Variants in PCDHA11 observed in about 807,000 individuals in gnomAD.
PCDHA11 encodes protocadherin alpha 11, also known as protocadherin alpha-11.
Under a neutral mutation model 70.3 loss-of-function variants are expected in PCDHA11, and 61 were observed. The observed-to-expected ratio is 0.87, with a 90% CI of 0.71 to 1.07. The LOEUF (loss-of-function observed/expected upper bound fraction) is 1.07. PCDHA11 is among the 50% of genes least tolerant of loss of function. The pLI, the probability that PCDHA11 is intolerant of heterozygous loss-of-function variation, is 0.00. For missense variants in PCDHA11, 1,324 were observed against 1,237.5 expected, an observed-to-expected ratio of 1.07 and a Z score of -1.05; for synonymous variants, 633 against 555.1, an observed-to-expected ratio of 1.14 and a Z score of -1.97.
At chr5:140,910,719 C>T (rs527945930) in intron 1 of PCDHA11, among the ~76,000 whole-genome samples, 44 of 152,216 alleles carry the variant, frequency 2.9e-4, no homozygotes, top group African/African-American at 1.0e-3. Context: ...TCTTTTAATC[C>T]ATATTTCAGC....
rs150205860 is a variant in PCDHA11 at position 140,883,142 on chromosome 5, G to T, written c.2391+11648G>T. The T allele has an allele frequency of 3.1e-6, 5 of 1,613,886 alleles. No individual in the cohort carries two copies. In the African/African-American group the frequency reaches 6.7e-5, roughly 22 times the overall value. On this transcript the variant is annotated intron_variant, in intron 1 of 3. Transcript: ENST00000398640. ...GCCTGTATGGCCTGCAGTGGTATAT[G>T]CATTTACCATAAATCCGAACAATGG...
rs377600629 is a variant in PCDHA11, at chr5:140,870,390, G to T, written c.1287G>T (p.Gly429=). Residue 429 remains glycine, a synonymous_variant, in exon 1 of 4, where the codon GGG becomes GGT. Coordinates refer to ENST00000398640, the MANE Select transcript of PCDHA11 (RefSeq NM_018902.5). ...AACTGGTGGTGACTGCGCGGGATGG[G>T]GGTTCGCCTTCTCTGTGGGCCACGG... is the stretch of plus-strand genomic sequence containing the variant. ...AYELVVTARD[G]GSPSLWATAR... 1.5e-4 allele frequency: 248 copies of T among 1,614,112 alleles called. No individual in the cohort carries two copies. The highest frequency in any genetic ancestry group is 1.8e-4 in the Non-Finnish European group (214 of 1,180,050).
At chr5:140,934,528 G>C (rs782284913) in intron 1 of PCDHA11, among the ~76,000 whole-genome samples, 1 of 152,116 alleles carries the variant, frequency 6.6e-6, no homozygotes, top group African/African-American at 2.4e-5. Flanking sequence ...CACTTCGAGA[G>C]CTACCGTTCT....
chr5:140,884,489 T>G, intron 1 of PCDHA11: 1 of 1,613,936 alleles, frequency 6.2e-7, no homozygotes, highest in East Asian at 2.2e-5. Flanking sequence ...CACTCTAGTG[T>G]GCTCCAGCGC....
intron 1 of PCDHA11, among the ~76,000 whole-genome samples, chr5:140,892,460 C>T (rs1428598912): frequency 1.3e-5 from 2 of 152,102 alleles, no homozygotes; most frequent in African/African-American, 2.4e-5. Context: ...TCTTTAAGTA[C>T]GGTTATTCAG....
At chr5:140,950,669 G>C (rs1554219570) in intron 1 of PCDHA11, among the ~76,000 whole-genome samples, 1 of 151,992 alleles carries the variant, frequency 6.6e-6, no homozygotes, top group African/African-American at 2.4e-5. Flanking sequence ...TATCAAACAT[G>C]TACATGTATA....
intron 3 of PCDHA11, among the ~76,000 whole-genome samples, chr5:141,007,967 G>A (rs1191510244): frequency 6.6e-6 from 1 of 152,176 alleles, no homozygotes; most frequent in Admixed American, 6.5e-5. Flanking sequence ...TTCTCTGGGT[G>A]TCTGTCATGT....
At chr5:140,976,523 C>T in intron 1 of PCDHA11, among the ~76,000 whole-genome samples, 1 of 151,724 alleles carries the variant, frequency 6.6e-6, no homozygotes. Flanking sequence ...TGCACACCAG[C>T]CTAAATGACA....
intron 1 of PCDHA11, chr5:140,875,208 C>T (rs1297860404): frequency 3.0e-6 from 2 of 668,426 alleles, no homozygotes; most frequent in Non-Finnish European, 2.2e-6. Context: ...GTGGCTAAAC[C>T]GAAAAGAACC....
intron 1 of PCDHA11, among the ~76,000 whole-genome samples, chr5:140,918,479 G>T (rs895821639): frequency 1.3e-5 from 2 of 152,092 alleles, no homozygotes; most frequent in Non-Finnish European, 2.9e-5. Flanking sequence ...AGTCTCAAGG[G>T]GAATGCTTTG....
At chr5:140,894,503 T>C (rs934592222) in intron 1 of PCDHA11, among the ~76,000 whole-genome samples, 1 of 152,016 alleles carries the variant, frequency 6.6e-6, no homozygotes. Context: ...TTAGGCATTA[T>C]CCATAGTGTT....
At chr5:140,875,233 G>C in intron 1 of PCDHA11, 2 of 863,878 alleles carry the variant, frequency 2.3e-6, no homozygotes, top group Non-Finnish European at 3.3e-6. Context: ...GATCTTTCTT[G>C]TACTTACATA....
intron 1 of PCDHA11, chr5:140,929,002 T>C (rs1584608620): frequency 6.2e-7 from 1 of 1,614,048 alleles, no homozygotes; most frequent in Non-Finnish European, 8.5e-7. Flanking sequence ...TTTCTTCGTG[T>C]GTACCAAGTT....
chr5:140,970,854 T>TC (rs112843531), intron 1 of PCDHA11, among the ~76,000 whole-genome samples: 13,960 of 152,238 alleles, frequency 0.092, 852 homozygotes, highest in African/African-American at 0.17. Context: ...GCACAAAAGT[T>TC]CCATTCCTGA....
At chr5:140,975,610 C>T (rs1412581927) in intron 1 of PCDHA11, among the ~76,000 whole-genome samples, 5 of 152,160 alleles carry the variant, frequency 3.3e-5, no homozygotes, top group Non-Finnish European at 7.4e-5. Flanking sequence ...TGATGTCTTC[C>T]ACATGGATTT....
chr5:140,985,830 C>T (rs1446445717), intron 3 of PCDHA11, among the ~76,000 whole-genome samples: 2 of 149,758 alleles, frequency 1.3e-5, no homozygotes, highest in Non-Finnish European at 3.0e-5. Flanking sequence ...AGCTCTGCCT[C>T]CCGGGTTCAT....
chr5:140,944,472 G>C (rs1554216383), intron 1 of PCDHA11, among the ~76,000 whole-genome samples: 2 of 152,220 alleles, frequency 1.3e-5, no homozygotes, highest in Non-Finnish European at 2.9e-5. Context: ...CAGGTATGAG[G>C]CACTGGACTG....
intron 1 of PCDHA11, among the ~76,000 whole-genome samples, chr5:140,952,680 G>A (rs1013469820): frequency 6.6e-6 from 1 of 152,128 alleles, no homozygotes; most frequent in Middle Eastern, 3.2e-3. Flanking sequence ...CACATTTTCA[G>A]GATCTTTATA....
In PCDHA11 at chr5:140,883,707, A is replaced by G. The variant is rs565073045; in HGVS notation, c.2391+12213A>G. 6 of 1,613,636 alleles carry G rather than the reference A, an allele frequency of 3.7e-6. No individual in the cohort carries two copies. Among genetic ancestry groups the G allele is most frequent in the East Asian group, 4.5e-5 (2 of 44,860 alleles). On this transcript the variant is annotated intron_variant, in intron 1 of 3. Transcript: ENST00000398640. ...TGCCACATCTTCACGGTGTCTGCTC[A>G]GGACGCGGACGCACAGGAGAACGCG...
Sources: gnomAD v4.1 joint callset for allele counts (sites outside exome capture counted in the v4.1 genomes callset) on GRCh38, gnomAD v4.1.1 for gene constraint, MANE v1.5 for transcripts, NCBI Gene and HGNC (gene_info 2026-07-23, HGNC 2026-07-21) for gene names.